The following SFMBT2 variants were observed in gnomAD, a reference collection of about 807,000 sequenced individuals.
SFMBT2 encodes scm-like with four MBT domains protein 2.
In SFMBT2, 38 loss-of-function variants were observed where a neutral mutation model predicts 110.1. The ratio of observed to expected loss-of-function variants is 0.35; its 90% CI spans 0.27 to 0.45. The LOEUF (loss-of-function observed/expected upper bound fraction) is 0.45. SFMBT2 is among the 20% of genes least tolerant of loss of function. SFMBT2 has a pLI of 1.00. For synonymous variants in SFMBT2, 425 were observed against 425.4 expected (o/e 1.00, Z 0.01); for missense variants, 1,011 against 1,094.9 (o/e 0.92, Z 1.08).
chr10:7,406,985 C>CGG (rs1173290155), intron 1 of SFMBT2, among the ~76,000 whole-genome samples: 1 of 140,288 alleles, frequency 7.1e-6, no homozygotes, highest in East Asian at 2.1e-4. Context: ...AGAGGGTTGG[C>CGG]GGGGGGGGAG....
At chr10:7,362,893 C>T (rs960338176) in intron 4 of SFMBT2, among the ~76,000 whole-genome samples, 3 of 152,242 alleles carry the variant, frequency 2.0e-5, no homozygotes, top group Admixed American at 6.5e-5. Context: ...CTGGGCTAGA[C>T]GTCCATGGAT....
chr10:7,164,125 G>A (rs962171417), intron 20 of SFMBT2: 21 of 984,812 alleles, frequency 2.1e-5, no homozygotes, highest in Admixed American at 1.8e-4. Flanking sequence ...AGTGGCTCAC[G>A]CCTATAATTC....
rs1356444193 is a variant in SFMBT2, at chr10:7,411,028, C to T, written c.-219G>A. On this transcript the variant is annotated 5_prime_UTR_variant, in exon 1 of 21. Coordinates refer to ENST00000397167, the MANE Select transcript of SFMBT2 (RefSeq NM_001387889.1). Reference sequence around the variant, plus strand: ...CCTCCGGCTCCCACTACAGCTCATTCCAATATGGCATCCTCTCTGTGCGCA... The same window carrying T: ...CCTCCGGCTCCCACTACAGCTCATTTCAATATGGCATCCTCTCTGTGCGCA... Among the ~76,000 whole-genome samples the T allele has an allele frequency of 6.7e-6, 1 of 148,514 alleles. No homozygotes were observed. Among genetic ancestry groups the T allele is most frequent in the African/African-American group, 2.5e-5 (1 of 39,808 alleles).
At chr10:7,385,892 C>T (rs1845590518) in intron 1 of SFMBT2, among the ~76,000 whole-genome samples, 2 of 152,204 alleles carry the variant, frequency 1.3e-5, no homozygotes, top group South Asian at 4.1e-4. Context: ...CCCAGCTACT[C>T]AGGAGACTGA....
intron 9 of SFMBT2, among the ~76,000 whole-genome samples, chr10:7,240,993 CAT>C (rs1315893318): frequency 3.9e-5 from 6 of 152,188 alleles, no homozygotes; most frequent in South Asian, 4.1e-4. Context: ...ACAATTCCCA[CAT>C]GTCACGGGAG....
intron 16 of SFMBT2, among the ~76,000 whole-genome samples, chr10:7,181,881 T>G (rs1221370378): frequency 6.6e-6 from 1 of 152,182 alleles, no homozygotes; most frequent in Non-Finnish European, 1.5e-5. Flanking sequence ...TGGCTGGGAA[T>G]TAACAGTAAA....
At chr10:7,384,474 AT>A (rs1229406194) in intron 1 of SFMBT2, among the ~76,000 whole-genome samples, 1 of 28,210 alleles carries the variant, frequency 3.5e-5, no homozygotes, top group African/African-American at 2.6e-4. Context: ...AATTTTTTAA[AT>A]AGTGAAATCC....
intron 4 of SFMBT2, among the ~76,000 whole-genome samples, chr10:7,320,132 C>T (rs1054474300): frequency 6.6e-6 from 1 of 152,210 alleles, no homozygotes; most frequent in African/African-American, 2.4e-5. Context: ...CAAAGCTTGA[C>T]AACGCCAACT....
rs1366728865 is a variant in SFMBT2 at position 7,293,877 on chromosome 10, G to A, written c.437-7923C>T. 6.6e-6 allele frequency among the ~76,000 whole-genome samples: 1 copy of A among 152,164 alleles called. No homozygotes were observed. Among genetic ancestry groups the A allele is most frequent in the East Asian group, 1.9e-4 (1 of 5,200 alleles). ...GATGGTTCAGCACATCCCAGCCCATGGAAAGAGGGAAAGAACGTAAGCAAA... is the reference window on the plus strand; with the variant it reads ...GATGGTTCAGCACATCCCAGCCCATAGAAAGAGGGAAAGAACGTAAGCAAA... On this transcript the variant is annotated intron_variant, in intron 4 of 20. Coordinates refer to ENST00000397167, the MANE Select transcript of SFMBT2 (RefSeq NM_001387889.1). This position sits in a 1 kb window ranked among gnomAD's most constrained non-coding sequence, Gnocchi z 4.6.
intron 4 of SFMBT2, among the ~76,000 whole-genome samples, chr10:7,299,664 A>G: frequency 6.6e-6 from 1 of 152,206 alleles, no homozygotes; most frequent in East Asian, 1.9e-4. Context: ...CCATTGTGGA[A>G]GACAGTATGG....
In SFMBT2 at chr10:7,158,689, TC is replaced by T. The variant is rs1837475808; in HGVS notation, c.*5080del. On this transcript the variant is annotated 3_prime_UTR_variant, in exon 21 of 21. Transcript: ENST00000397167. ...TTTTTTGAAGTAAAAAGGGTTTTTT[TC>T]ATTTAGAATAAAAATTAAAATATAA... is the stretch of plus-strand genomic sequence containing the variant. 1.3e-5 allele frequency: 2 copies of T among 152,252 alleles called. No individual in the cohort carries two copies. Among genetic ancestry groups the T allele is most frequent in the Admixed American group, 1.3e-4 (2 of 15,290 alleles). The allele number at this position is 152,252 out of a possible 1,614,324, so 9.4% of individuals were successfully genotyped here. A position where few individuals can be genotyped will look rare whatever the true frequency, so the allele number is the denominator to read the frequency against.
At chr10:7,353,053 C>T (rs760773615) in intron 4 of SFMBT2, among the ~76,000 whole-genome samples, 2 of 151,912 alleles carry the variant, frequency 1.3e-5, no homozygotes, top group Non-Finnish European at 2.9e-5. Flanking sequence ...AATAAGTACA[C>T]TGGGGGCCAC....
intron 4 of SFMBT2, among the ~76,000 whole-genome samples, chr10:7,344,529 C>A (rs1385650809): frequency 1.3e-5 from 2 of 152,126 alleles, no homozygotes; most frequent in Non-Finnish European, 2.9e-5. Context: ...GTCCATTAAA[C>A]CCTTTTTTTC....
intron 7 of SFMBT2, among the ~76,000 whole-genome samples, chr10:7,272,000 A>T (rs1438277313): frequency 1.3e-5 from 2 of 152,186 alleles, no homozygotes; most frequent in Non-Finnish European, 2.9e-5. Context: ...GAGCCAAACC[A>T]TATCAAGGTA....
intron 4 of SFMBT2, among the ~76,000 whole-genome samples, chr10:7,298,572 A>T (rs1842471521): frequency 6.6e-6 from 1 of 152,202 alleles, no homozygotes; most frequent in Non-Finnish European, 1.5e-5. Context: ...ATACAATGAA[A>T]TACAAGGCTG....
chr10:7,250,057 C>A (rs140307273), intron 7 of SFMBT2, among the ~76,000 whole-genome samples: 34 of 152,266 alleles, frequency 2.2e-4, no homozygotes, highest in African/African-American at 7.9e-4. Flanking sequence ...AGGAAAAGTA[C>A]AAGGAAATTA....
chr10:7,330,243 T>C (rs542743913), intron 4 of SFMBT2, among the ~76,000 whole-genome samples: 1 of 152,328 alleles, frequency 6.6e-6, no homozygotes, highest in South Asian at 2.1e-4. Context: ...CAGCCGACTT[T>C]ATAACATTTC....
chr10:7,315,891 T>C (rs1209252760), intron 4 of SFMBT2, among the ~76,000 whole-genome samples: 3 of 152,304 alleles, frequency 2.0e-5, no homozygotes, highest in South Asian at 2.1e-4. Context: ...ACCTGAGACA[T>C]AGTCAGCCCT....
intron 9 of SFMBT2, among the ~76,000 whole-genome samples, chr10:7,228,841 A>G (rs1190204904): frequency 6.9e-6 from 1 of 145,784 alleles, no homozygotes; most frequent in Non-Finnish European, 1.5e-5. Flanking sequence ...GGAAGATGCA[A>G]CTATATAAAT....
Sources: allele counts gnomAD v4.1 joint callset (sites outside exome capture counted in the v4.1 genomes callset), GRCh38; gene constraint gnomAD v4.1.1; non-coding constraint Gnocchi (gnomAD v3.1); transcripts MANE v1.5; gene names NCBI Gene and HGNC (gene_info 2026-07-23, HGNC 2026-07-21).